Variants in ATP13A3 observed in about 807,000 individuals in gnomAD.
ATP13A3 encodes the protein ATPase 13A3, also known as polyamine-transporting ATPase 13A3.
ATP13A3 carries 59 observed loss-of-function variants against 158.1 expected under a neutral mutation model. The ratio of observed to expected loss-of-function variants is 0.37; its 90% CI spans 0.30 to 0.46. The LOEUF is 0.46. ATP13A3 is among the 20% of genes least tolerant of loss of function. ATP13A3 has a pLI of 1.00. For missense variants in ATP13A3, 1,166 were observed against 1,525.2 expected, an observed-to-expected ratio of 0.76 and a Z score of 3.92; for synonymous variants, 491 against 504.3, an observed-to-expected ratio of 0.97 and a Z score of 0.35.
rs1286260557 is a variant in ATP13A3 at position 194,482,574 on chromosome 3, T to C, written c.-47+3220A>G. On this transcript the variant is annotated intron_variant, in intron 2 of 33. Transcript: ENST00000645319. Reference sequence around the variant, plus strand: ...AAATTATGTGCCAGAAATCTGAGCCTCTCTTACTTCTCTACTCTCAAAATA... The same window carrying C: ...AAATTATGTGCCAGAAATCTGAGCCCCTCTTACTTCTCTACTCTCAAAATA... Among the ~76,000 whole-genome samples the C allele has an allele frequency of 2.6e-5, 4 of 152,228 alleles. No individual in the cohort carries two copies. In the South Asian group the frequency reaches 6.2e-4, roughly 24 times the overall value.
At chr3:194,443,489 A>C (rs1251383154) in intron 15 of ATP13A3, among the ~76,000 whole-genome samples, 1 of 152,238 alleles carries the variant, frequency 6.6e-6, no homozygotes, top group East Asian at 1.9e-4. Context: ...ACTGAAAAGT[A>C]AACAAGTGGC....
At chr3:194,483,298 A>C (rs1216143558) in intron 2 of ATP13A3, among the ~76,000 whole-genome samples, 2 of 150,882 alleles carry the variant, frequency 1.3e-5, no homozygotes, top group African/African-American at 2.4e-5. Context: ...GGGAAAAAAA[A>C]AGAAAAAAGG....
At chr3:194,443,528 A>G (rs939663873) in intron 15 of ATP13A3, among the ~76,000 whole-genome samples, 1 of 152,192 alleles carries the variant, frequency 6.6e-6, no homozygotes, top group Non-Finnish European at 1.5e-5. Context: ...ACATCAGGCA[A>G]AAGAAAGCTG....
intron 2 of ATP13A3, chr3:194,468,079 T>C (rs577705425): frequency 6.6e-6 from 1 of 152,308 alleles, no homozygotes; most frequent in Non-Finnish European, 1.5e-5. Context: ...AAATTTGGAA[T>C]TTTATGCCAA....
upstream of ATP13A3, among the ~76,000 whole-genome samples, chr3:194,489,982 TC>T (rs1356753301): frequency 6.6e-6 from 1 of 151,746 alleles, no homozygotes; most frequent in African/African-American, 2.4e-5. This position sits in a 1 kb window ranked among gnomAD's most constrained non-coding sequence, Gnocchi z 4.1. Context: ...GCCCACTGCT[TC>T]CCCCCTCTGA....
chr3:194,405,829 A>G lies in ATP13A3; in HGVS notation c.*90T>C, dbSNP rs1344069374. 4.4e-6 allele frequency: 6 copies of G among 1,352,998 alleles called. No homozygotes were observed. Among genetic ancestry groups the G allele is most frequent in the Non-Finnish European group, 6.3e-6 (6 of 952,280 alleles). The allele number at this position is 1,352,998 out of a possible 1,614,324, so 83.8% of individuals were successfully genotyped here. On this transcript the variant is annotated 3_prime_UTR_variant, in exon 34 of 34. Transcript: ENST00000645319. ...TATCAGAAGGGACATAAACTGAACT[A>G]GTGCCATTCTGACACACAGGATCAG...
chr3:194,413,881 A>G lies in ATP13A3; in HGVS notation c.3403-42T>C, dbSNP rs150197166. ...TTTTAAAGTTAAAATTGTTGTATGT[A>G]GTCAATATTATAGCACTGTATCATA... On this transcript the variant is annotated intron_variant, in intron 31 of 33. Coordinates refer to ENST00000645319, the MANE Select transcript of ATP13A3 (RefSeq NM_001367549.1). 379 of 1,507,894 alleles carry G rather than the reference A, an allele frequency of 2.5e-4. 1 individual carries two copies. Among genetic ancestry groups the G allele is most frequent in the African/African-American group, 8.7e-4 (63 of 72,812 alleles). The allele number at this position is 1,507,894 out of a possible 1,614,324, so 93.4% of individuals were successfully genotyped here. A position where few individuals can be genotyped will look rare whatever the true frequency, so the allele number is the denominator to read the frequency against.
At chr3:194,481,921 CTT>C (rs1720768510) in intron 2 of ATP13A3, among the ~76,000 whole-genome samples, 1 of 152,190 alleles carries the variant, frequency 6.6e-6, no homozygotes, top group South Asian at 2.1e-4. Flanking sequence ...ATTTTGCGGT[CTT>C]GACGTTTACT....
chr3:194,404,327 A>G lies in ATP13A3; in HGVS notation c.*1592T>C, dbSNP rs1025697413. On this transcript the variant is annotated 3_prime_UTR_variant, in exon 34 of 34. Coordinates refer to ENST00000645319, the MANE Select transcript of ATP13A3 (RefSeq NM_001367549.1). ...AGCAGTAACAGTGATCCTGAGTGTA[A>G]TTTCTATTTTTCTATAGTTACCAAA... 1.9e-5 allele frequency: 5 copies of G among 258,246 alleles called. No homozygotes were observed. The East Asian group carries it at 4.4e-4, about 23-fold the overall frequency. 16.0% of individuals were successfully genotyped at this position (258,246 alleles called of 1,614,324 possible).
chr3:194,474,305 A>G (rs551509629), intron 2 of ATP13A3, among the ~76,000 whole-genome samples: 26 of 152,226 alleles, frequency 1.7e-4, no homozygotes, highest in African/African-American at 6.0e-4. Flanking sequence ...GGCCTGAGCC[A>G]CCACACCTAA....
intron 15 of ATP13A3, among the ~76,000 whole-genome samples, chr3:194,441,788 T>C (rs1718069465): frequency 6.6e-6 from 1 of 152,150 alleles, no homozygotes; most frequent in African/African-American, 2.4e-5. Context: ...AGGATCCCTC[T>C]GACTCAGGAA....
rs1256813658 is a variant in ATP13A3, at chr3:194,415,478, G to A, written c.3403-1639C>T. The stretch of plus-strand genomic sequence containing the variant: ...TAAACCCCTCAATGAAATATGCAGG[G>A]AAACAGACATATACTGCTGGTAAGA... On this transcript the variant is annotated intron_variant, in intron 31 of 33. Coordinates refer to ENST00000645319, the MANE Select transcript of ATP13A3 (RefSeq NM_001367549.1). Among the ~76,000 whole-genome samples the A allele has an allele frequency of 2.0e-5, 3 of 152,076 alleles. No homozygotes were observed. In the East Asian group the frequency reaches 5.8e-4, roughly 29 times the overall value.
rs998367630 is a variant in ATP13A3, at chr3:194,402,936, C to T, written c.*2983G>A. The T allele has an allele frequency of 6.6e-6, 1 of 152,106 alleles. No individual in the cohort carries two copies. The highest frequency in any genetic ancestry group is 1.5e-5 in the Non-Finnish European group (1 of 68,010). 9.4% of individuals were successfully genotyped at this position (152,106 alleles called of 1,614,324 possible). On this transcript the variant is annotated 3_prime_UTR_variant, in exon 34 of 34. Coordinates refer to ENST00000645319, the MANE Select transcript of ATP13A3 (RefSeq NM_001367549.1). ...TATTAATTTAATGTACACATAATTACCAAATTTTAATACATTAAAAATGTG... is the reference window on the plus strand; with the variant it reads ...TATTAATTTAATGTACACATAATTATCAAATTTTAATACATTAAAAATGTG...
At position 194,455,879 on chromosome 3, in the gene ATP13A3, A is replaced by G. The variant is rs745499986; in HGVS notation, c.630+14T>C. 30 of 1,438,608 alleles carry G rather than the reference A, an allele frequency of 2.1e-5. No homozygotes were observed. Among genetic ancestry groups the G allele is most frequent in the Non-Finnish European group, 2.8e-5 (29 of 1,044,320 alleles). 89.1% of individuals were successfully genotyped at this position (1,438,608 alleles called of 1,614,324 possible). On this transcript the variant is annotated intron_variant, in intron 8 of 33. Coordinates refer to ENST00000645319, the MANE Select transcript of ATP13A3 (RefSeq NM_001367549.1). ...GATCATGACTGTTAAGTTATATACA[A>G]TCAATAGTCTTACCTCTTTAATTAG... is the stretch of plus-strand genomic sequence containing the variant.
At chr3:194,421,137 G>GTATA (rs1553796331) in intron 30 of ATP13A3, among the ~76,000 whole-genome samples, 1 of 7,172 alleles carries the variant, frequency 1.4e-4, no homozygotes, top group South Asian at 7.7e-3. Context: ...TATATATATA[G>GTATA]TATATATATA....
At chr3:194,464,759 CGG>C (rs1303596047) in intron 2 of ATP13A3, among the ~76,000 whole-genome samples, 2 of 152,078 alleles carry the variant, frequency 1.3e-5, no homozygotes, top group Non-Finnish European at 2.9e-5. Context: ...CAGTAGTCAC[CGG>C]GGTCTGTTTT....
chr3:194,473,458 T>G (rs917083047), intron 2 of ATP13A3, among the ~76,000 whole-genome samples: 1 of 149,962 alleles, frequency 6.7e-6, no homozygotes, highest in Non-Finnish European at 1.5e-5. Context: ...AATTATATGG[T>G]AAGACATTAT....
At position 194,431,610 on chromosome 3, in the gene ATP13A3, T is replaced by A. The variant is rs1032565537; in HGVS notation, c.2421+107A>T. On this transcript the variant is annotated intron_variant, in intron 22 of 33. Transcript: ENST00000645319. ...TGAAAAAATAGCCCTGACTTCTGTT[T>A]TCATTTAGTTTTTGCTTTACTGTGT... 3.5e-6 allele frequency: 4 copies of A among 1,152,354 alleles called. No homozygotes were observed. In the African/African-American group the frequency reaches 6.4e-5, roughly 19 times the overall value. 71.4% of individuals were successfully genotyped at this position (1,152,354 alleles called of 1,614,324 possible).
At chr3:194,413,615 G>A (rs1184351672) in intron 32 of ATP13A3, 144 bp downstream of exon 32, 2 of 749,988 alleles carry the variant, frequency 2.7e-6, no homozygotes, top group African/African-American at 3.5e-5. Flanking sequence ...AAGTTCACAA[G>A]AGAAGGCTAA....
Sources: allele counts gnomAD v4.1 joint callset (sites outside exome capture counted in the v4.1 genomes callset), GRCh38; gene constraint gnomAD v4.1.1; non-coding constraint Gnocchi (gnomAD v3.1); transcripts MANE v1.5; gene names NCBI Gene and HGNC (gene_info 2026-07-23, HGNC 2026-07-21).